MAPKBP1: variants seen among roughly 807,000 people sequenced by gnomAD.
MAPKBP1 encodes mitogen-activated protein kinase-binding protein 1.
A neutral mutation model predicts 170.5 loss-of-function variants in MAPKBP1; 71 were observed. The observed-to-expected ratio is 0.42, with a 90% CI of 0.34 to 0.51. MAPKBP1 has a LOEUF of 0.51. MAPKBP1 is among the 20% of genes least tolerant of loss of function. MAPKBP1 has a pLI of 0.06. For synonymous variants in MAPKBP1, 719 were observed against 757.9 expected (o/e 0.95, Z 0.84); for missense variants, 1,598 against 1,933.0 (o/e 0.83, Z 3.25).
At chr15:41,796,861 A>G (rs2064500017) in intron 2 of MAPKBP1, among the ~76,000 whole-genome samples, 1 of 152,174 alleles carries the variant, frequency 6.6e-6, no homozygotes, top group Admixed American at 6.5e-5. Flanking sequence ...CTTCCAGCCC[A>G]TTTGTAGGTC....
At chr15:41,824,688 G>A in intron 30 of MAPKBP1, 119 bp downstream of exon 30, 1 of 1,017,938 alleles carries the variant, frequency 9.8e-7, no homozygotes, top group South Asian at 1.6e-5. Flanking sequence ...GCACACTCAA[G>A]AACATCTTGG....
Position 41,821,593 on chromosome 15 carries a change from C to T in MAPKBP1, c.2728C>T (p.Pro910Ser), listed in dbSNP as rs267604191. The stretch of plus-strand genomic sequence containing the variant: ...CTTTGTGTGTTCCCAGAATGAAAAG[C>T]CCCCTCGGCCTCAGGCTTCCCAACC... The part of the protein sequence containing the change: ...ETSLTSQNEK[P>S]PRPQASQPCS... The change falls in exon 24 of 31, where the codon CCC becomes TCC. Residue 910 changes from proline to serine, a missense_variant. By Grantham distance (74) the Pro-to-Ser change is moderately conservative. Coordinates refer to ENST00000457542, the MANE Select transcript of MAPKBP1 (RefSeq NM_014994.3). 11 of 1,613,510 alleles carry T rather than the reference C, an allele frequency of 6.8e-6. No individual in the cohort carries two copies. The highest frequency in any genetic ancestry group is 9.3e-6 in the Non-Finnish European group (11 of 1,179,834).
At position 41,814,454 on chromosome 15, in the gene MAPKBP1, A is replaced by G. The variant is rs913656951; in HGVS notation, c.981-96A>G. The G allele has an allele frequency of 5.6e-6, 7 of 1,243,210 alleles. No individual in the cohort carries two copies. In the African/African-American group the frequency reaches 9.1e-5, roughly 16 times the overall value. The allele number at this position is 1,243,210 out of a possible 1,614,324, so 77.0% of individuals were successfully genotyped here. On this transcript the variant is annotated intron_variant, in intron 9 of 30. Transcript: ENST00000457542. ...CAACTACTTCCAAACCTGCAGGTCC[A>G]GGGAGGGCTCCTCACACACTGCTCC...
chr15:41,777,029 G>A (rs1417580967), intron 2 of MAPKBP1, among the ~76,000 whole-genome samples: 2 of 152,150 alleles, frequency 1.3e-5, no homozygotes, highest in Middle Eastern at 3.2e-3. Context: ...GGCGACCTAA[G>A]TCAGTTCAGA....
At chr15:41,801,026 C>T (rs936772191) in intron 3 of MAPKBP1, among the ~76,000 whole-genome samples, 5 of 152,284 alleles carry the variant, frequency 3.3e-5, no homozygotes, top group Admixed American at 2.6e-4. Context: ...TGAGCCACCA[C>T]GCCTGGCCAG....
In MAPKBP1 at chr15:41,817,695, T is replaced by C; in HGVS notation, c.1864T>C (p.Trp622Arg). The C allele has an allele frequency of 1.2e-6, 2 of 1,614,164 alleles. No individual in the cohort carries two copies. Among genetic ancestry groups the C allele is most frequent in the Non-Finnish European group, 1.7e-6 (2 of 1,180,000 alleles). ...CTATGACATGGATGTGGAGCCCAGC[T>C]GGAAGTACACGGCTATCGGCTGCCA... ...TLYDMDVEPSWKYTAIGCQDR... is the reference protein window; with the variant it reads ...TLYDMDVEPSRKYTAIGCQDR... Residue 622 changes from tryptophan to arginine, a missense_variant, in exon 16 of 31, where the codon TGG becomes CGG. Transcript: ENST00000457542. The surrounding 1 kb of genome is among the most constrained non-coding windows in gnomAD (Gnocchi z 4.2).
intron 30 of MAPKBP1, 41 bp downstream of exon 30, chr15:41,824,610 A>C: frequency 6.5e-7 from 1 of 1,531,412 alleles, no homozygotes. Context: ...CGGGCACGTC[A>C]GTAGTGCTGG....
Position 41,827,148 on chromosome 15 carries a change from G to C in MAPKBP1, c.*1712G>C, listed in dbSNP as rs1160675984. On this transcript the variant is annotated 3_prime_UTR_variant, in exon 31 of 31. Transcript: ENST00000457542. ...CTGTCTACTAAAAATAAAAAAATTA[G>C]CTGGGCGTGGTGGTGGGCGCCTGTA... The C allele has an allele frequency of 1.3e-5, 2 of 150,930 alleles. No individual in the cohort carries two copies. Among genetic ancestry groups the C allele is most frequent in the African/African-American group, 4.9e-5 (2 of 41,050 alleles). The allele number at this position is 150,930 out of a possible 1,614,324, so 9.3% of individuals were successfully genotyped here.
chr15:41,817,449 T>C lies in MAPKBP1; in HGVS notation c.1773T>C (p.Thr591=). Reference sequence around the variant, plus strand: ...CAGACAAGAGCATCTACTTCCGCACTGCGCAGAAGGTGAGGGCGCTGGGCT... The same window carrying C: ...CAGACAAGAGCATCTACTTCCGCACCGCGCAGAAGGTGAGGGCGCTGGGCT... ...CGADKSIYFR[T]AQKSGDGVQF... The change falls in exon 15 of 31, where the codon ACT becomes ACC. Residue 591 remains threonine, a synonymous_variant. Coordinates refer to ENST00000457542, the MANE Select transcript of MAPKBP1 (RefSeq NM_014994.3). The surrounding 1 kb of genome is among the most constrained non-coding windows in gnomAD (Gnocchi z 4.2). The C allele has an allele frequency of 6.8e-7, 1 of 1,478,320 alleles. No individual in the cohort carries two copies. The highest frequency in any genetic ancestry group is 9.1e-7 in the Non-Finnish European group (1 of 1,096,844). The allele number at this position is 1,478,320 out of a possible 1,614,324, so 91.6% of individuals were successfully genotyped here. A position where few individuals can be genotyped will look rare whatever the true frequency, so the allele number is the denominator to read the frequency against.
At chr15:41,810,986 G>A in intron 4 of MAPKBP1, 41 bp downstream of exon 4, 4 of 1,609,018 alleles carry the variant, frequency 2.5e-6, no homozygotes, top group Non-Finnish European at 2.6e-6. Context: ...TTCCTTCTGG[G>A]AGCTATGAGA....
In MAPKBP1 at chr15:41,821,987, G is replaced by T; in HGVS notation, c.2908G>T (p.Ala970Ser). ...DTSEFQVQAP[A>S]RGTLGRVYPG... is the part of the protein sequence containing the mutation. ...CAGTGAGTTCCAAGTGCAGGCTCCAGCCCGGGGAACTCTGGGAAGAGTGTA... is the reference window on the plus strand; with the variant it reads ...CAGTGAGTTCCAAGTGCAGGCTCCATCCCGGGGAACTCTGGGAAGAGTGTA... Residue 970 changes from alanine (A) to serine (S), a missense_variant, in exon 25 of 31, where the codon GCC becomes TCC. Coordinates refer to ENST00000457542, the MANE Select transcript of MAPKBP1 (RefSeq NM_014994.3). 6.2e-7 allele frequency: 1 copy of T among 1,610,678 alleles called. No homozygotes were observed. The highest frequency in any genetic ancestry group is 2.2e-5 in the East Asian group (1 of 44,754).
intron 2 of MAPKBP1, among the ~76,000 whole-genome samples, chr15:41,786,777 A>AAAAAAAAAAATATATATATATATATATAT: frequency 9.2e-5 from 3 of 32,448 alleles, no homozygotes; most frequent in African/African-American, 2.6e-4. Context: ...AAAAAAAAAA[A>AAAAAAAAAAATATATATATATATATATAT]ATATATATAT....
rs373370590 is a variant in MAPKBP1, at chr15:41,815,264, C to T, written c.1176C>T (p.Tyr392=). Residue 392 remains tyrosine (Y), a synonymous_variant, in exon 11 of 31, where the codon TAC becomes TAT. Transcript: ENST00000457542. The part of the protein sequence containing the change: ...HSSCVWSVEV[Y]PEVKDSNQAC... ...TGTTCCCTCGGCCTCTTCAGGTCTA[C>T]CCCGAGGTGAAGGATAGTAACCAGG... The T allele has an allele frequency of 3.8e-5, 61 of 1,614,066 alleles. No individual in the cohort carries two copies. The highest frequency in any genetic ancestry group is 6.7e-5 in the East Asian group (3 of 44,890).
intron 3 of MAPKBP1, among the ~76,000 whole-genome samples, chr15:41,810,281 T>A (rs72724172): frequency 6.6e-6 from 1 of 152,252 alleles, no homozygotes; most frequent in Non-Finnish European, 1.5e-5. Flanking sequence ...CCTGCTGCCC[T>A]TTGTGGGTAT....
chr15:41,820,109 G>C (rs2064969254), intron 22 of MAPKBP1, among the ~76,000 whole-genome samples: 1 of 152,192 alleles, frequency 6.6e-6, no homozygotes, highest in Non-Finnish European at 1.5e-5. Flanking sequence ...AGAATAGTTA[G>C]AGGGAAAAGG....
chr15:41,812,708 C>G, intron 7 of MAPKBP1, 55 bp downstream of exon 7: 1 of 1,540,182 alleles, frequency 6.5e-7, no homozygotes, highest in South Asian at 1.3e-5. Flanking sequence ...GCCTGCCCAG[C>G]CCAACCCAGG....
chr15:41,788,398 G>A (rs965693657), intron 2 of MAPKBP1, among the ~76,000 whole-genome samples: 12 of 152,200 alleles, frequency 7.9e-5, no homozygotes, highest in Non-Finnish European at 1.5e-4. Context: ...AGACTGGTAG[G>A]AGAGATAAGA....
Position 41,822,926 on chromosome 15 carries a change from G to T in MAPKBP1, c.3315-13G>T, listed in dbSNP as rs8037723. 6.3e-7 allele frequency: 1 copy of T among 1,590,678 alleles called. No individual in the cohort carries two copies. Among genetic ancestry groups the T allele is most frequent in the Non-Finnish European group, 8.6e-7 (1 of 1,164,406 alleles). On this transcript the variant is annotated splice_polypyrimidine_tract_variant and intron_variant, in intron 27 of 30. Coordinates refer to ENST00000457542, the MANE Select transcript of MAPKBP1 (RefSeq NM_014994.3). ...GCCTTCTCTGGGCCTTCTCCCACAT[G>T]TTCTCCCTGTAGGGAACCATCCCCA...
chr15:41,823,364 C>G (rs1335649576), intron 28 of MAPKBP1, 83 bp from the exon 29 acceptor site: 1 of 1,550,728 alleles, frequency 6.4e-7, no homozygotes, highest in Non-Finnish European at 8.7e-7. Context: ...TGGAGGGGAA[C>G]AGCAGCTCTT....
Sources: gnomAD v4.1 joint callset for allele counts (sites outside exome capture counted in the v4.1 genomes callset) on GRCh38, gnomAD v4.1.1 for gene constraint, Gnocchi (gnomAD v3.1) non-coding constraint, MANE v1.5 for transcripts, NCBI Gene and HGNC (gene_info 2026-07-23, HGNC 2026-07-21) for gene names.